The following CCDC14 variants were observed in gnomAD, a reference collection of about 807,000 sequenced individuals.
CCDC14 encodes coiled-coil domain-containing protein 14.
Under a neutral mutation model 81.4 loss-of-function variants are expected in CCDC14, and 71 were observed. That is an observed-to-expected ratio of 0.87 (90% CI 0.72 to 1.06). CCDC14 has a LOEUF of 1.06. Among genes scored for constraint, CCDC14 ranks in the 50% least tolerant of loss-of-function variants. The pLI, the probability that CCDC14 is intolerant of heterozygous loss-of-function variation, is 0.00. For missense variants in CCDC14, 1,046 were observed against 1,047.3 expected, an observed-to-expected ratio of 1.00 and a Z score of 0.02; for synonymous variants, 332 against 364.8, an observed-to-expected ratio of 0.91 and a Z score of 1.03.
the CCDC14 span, among the ~76,000 whole-genome samples, chr3:123,886,490 C>T: frequency 6.6e-6 from 1 of 151,938 alleles, no homozygotes; most frequent in South Asian, 2.1e-4. Context: ...CTCCACATCC[C>T]TGGTTCAAGG....
chr3:123,950,248 C>T (rs974308177), intron 5 of CCDC14, among the ~76,000 whole-genome samples: 6 of 152,076 alleles, frequency 3.9e-5, no homozygotes, highest in African/African-American at 9.7e-5. Context: ...CAAAGCTAAA[C>T]GTACATATAT....
downstream of CCDC14, among the ~76,000 whole-genome samples, chr3:123,910,199 T>C (rs1285648314): frequency 6.6e-6 from 1 of 152,206 alleles, no homozygotes; most frequent in Admixed American, 6.5e-5. Context: ...ACACCAAGAA[T>C]GACAATGTGA....
rs762358232 is a variant in CCDC14, at chr3:123,947,221, A to T, written c.783T>A (p.Pro261=). 2.2e-5 allele frequency: 35 copies of T among 1,613,906 alleles called. No homozygotes were observed. The highest frequency in any genetic ancestry group is 3.0e-5 in the Non-Finnish European group (35 of 1,179,890). ...TTTTGGGCAGGCTACATGGAACTCC[A>T]GGACTGGTATTAAATGAATTCCGTA... is the stretch of plus-strand genomic sequence containing the variant. ...DVLRNSFNTS[P]GVPCSLPKTD... is the part of the protein sequence containing the mutation. Residue 261 remains proline, a synonymous_variant, in exon 8 of 13, where the codon CCT becomes CCA. Transcript: ENST00000409697.
intron 5 of CCDC14, 103 bp from the exon 6 acceptor site, chr3:123,949,235 C>A: frequency 1.5e-6 from 1 of 658,550 alleles, no homozygotes. Flanking sequence ...TCCAATCCAT[C>A]ACATACTTCA....
At chr3:123,933,459 A>C in intron 10 of CCDC14, 1 of 536,248 alleles carries the variant, frequency 1.9e-6, no homozygotes. Context: ...TTATATATGA[A>C]GAGAAGATAT....
chr3:123,956,812 T>C lies in CCDC14; in HGVS notation c.31-17A>G, dbSNP rs1430787210. ...AGATAACACCTATGACATAATATAT[T>C]ATAGCAGATAAACAAATATTTTTCT... is the stretch of plus-strand genomic sequence containing the variant. On this transcript the variant is annotated splice_polypyrimidine_tract_variant and intron_variant, in intron 1 of 12. Transcript: ENST00000409697. The C allele has an allele frequency of 7.0e-7, 1 of 1,435,774 alleles. No individual in the cohort carries two copies. Among genetic ancestry groups the C allele is most frequent in the Admixed American group, 2.3e-5 (1 of 42,928 alleles). The allele number at this position is 1,435,774 out of a possible 1,614,324, so 88.9% of individuals were successfully genotyped here.
chr3:123,940,314 T>A (rs571388571), intron 9 of CCDC14, among the ~76,000 whole-genome samples: 2 of 152,020 alleles, frequency 1.3e-5, no homozygotes, highest in South Asian at 4.1e-4. Flanking sequence ...CTTAACTCAC[T>A]TTTCTTCTCT....
chr3:123,946,854 T>C lies in CCDC14; in HGVS notation c.1150A>G (p.Arg384Gly), dbSNP rs2036652280. 6.2e-7 allele frequency: 1 copy of C among 1,613,864 alleles called. No homozygotes were observed. The highest frequency in any genetic ancestry group is 1.7e-5 in the Admixed American group (1 of 59,992). The part of the protein sequence containing the change: ...KNVNKTAEKV[R>G]IIKYLLGELK... ...TCTCCCAACAAATATTTTATAATTC[T>C]AACTTTTTCAGCTGTCTTGTTCACA... is the stretch of plus-strand genomic sequence containing the variant. The change falls in exon 8 of 13, where the codon AGA becomes GGA. Residue 384 changes from arginine (R) to glycine (G), a missense_variant. Coordinates refer to ENST00000409697, the MANE Select transcript of CCDC14 (RefSeq NM_001366335.1).
intron 1 of CCDC14, chr3:123,958,486 GA>G: frequency 6.6e-6 from 1 of 152,024 alleles, no homozygotes; most frequent in East Asian, 1.9e-4. Flanking sequence ...TTTCTACTAT[GA>G]AATAATAGTA....
the CCDC14 span, among the ~76,000 whole-genome samples, chr3:123,892,184 A>C: frequency 6.6e-6 from 1 of 152,240 alleles, no homozygotes; most frequent in Non-Finnish European, 1.5e-5. Context: ...GGGTGAGGAC[A>C]CAGAGCCAAA....
chr3:123,915,978 G>A (rs1176018570), intron 12 of CCDC14, among the ~76,000 whole-genome samples: 2 of 147,626 alleles, frequency 1.4e-5, no homozygotes, highest in South Asian at 2.2e-4. Context: ...TTTTTTTAAG[G>A]TATGGAGATG....
At chr3:123,892,316 GC>G (rs1177842562), downstream of CCDC14, among the ~76,000 whole-genome samples, 1 of 152,158 alleles carries the variant, frequency 6.6e-6, no homozygotes, top group African/African-American at 2.4e-5. Flanking sequence ...CTGTATCTTG[GC>G]CCCTTTTAGT....
At chr3:123,905,192 C>A (rs930136921) in intron 5 of CCDC14, among the ~76,000 whole-genome samples, 1 of 152,096 alleles carries the variant, frequency 6.6e-6, no homozygotes, top group African/African-American at 2.4e-5. Flanking sequence ...ACAGAATATA[C>A]CATAAAACTA....
chr3:123,927,946 A>G (rs111666285), intron 12 of CCDC14, among the ~76,000 whole-genome samples: 4 of 152,216 alleles, frequency 2.6e-5, no homozygotes, highest in African/African-American at 9.6e-5. Flanking sequence ...CTTTATTCAG[A>G]GAAAAGCTGT....
chr3:123,924,288 A>G (rs2148823479), intron 12 of CCDC14, among the ~76,000 whole-genome samples: 1 of 152,272 alleles, frequency 6.6e-6, no homozygotes, highest in Middle Eastern at 3.4e-3. Flanking sequence ...AAAATATACT[A>G]AAAATGGATT....
rs757625576 is a variant in CCDC14 at position 123,948,926 on chromosome 3, C to T, written c.559G>A (p.Ala187Thr). 3.7e-6 allele frequency: 6 copies of T among 1,613,770 alleles called. No individual in the cohort carries two copies. The highest frequency in any genetic ancestry group is 5.1e-6 in the Non-Finnish European group (6 of 1,179,826). ...TGAGAGGGAGCATGGCATGGTACAG[C>T]AGGAATTCCATTAGGGATGTTCTTT... ...TSKNIPNGIP[A>T]VPCHAPSHSE... The change falls in exon 6 of 13, where the codon GCT (alanine) becomes ACT (threonine). Residue 187 changes from alanine (A) to threonine (T), a missense_variant. Coordinates refer to ENST00000409697, the MANE Select transcript of CCDC14 (RefSeq NM_001366335.1).
At position 123,944,913 on chromosome 3, in the gene CCDC14, CTG is replaced by C. The variant is rs759622705; in HGVS notation, c.1277_1278del (p.Thr426ArgfsTer5). ...GCCAGTGCTATCTCAACTTGAATAT[CTG>C]TGTTTCCACTTACTGTTGGAAGTAC... Reference protein sequence around the residue: ...ISVLPTVSGNTDIQVEIALAM... With the variant: ...ISVLPTVSGNXDIQVEIALAM... On this transcript the variant is annotated frameshift_variant, in exon 9 of 13. Transcript: ENST00000409697. LOFTEE classifies it high-confidence loss of function. 1.2e-6 allele frequency: 2 copies of C among 1,612,176 alleles called. No homozygotes were observed. Among genetic ancestry groups the C allele is most frequent in the South Asian group, 1.1e-5 (1 of 90,862 alleles).
intron 5 of CCDC14, among the ~76,000 whole-genome samples, chr3:123,906,898 T>C (rs2034324718): frequency 6.6e-6 from 1 of 152,234 alleles, no homozygotes; most frequent in African/African-American, 2.4e-5. Flanking sequence ...GATGGTGTAA[T>C]GTGTCCTTCC....
At chr3:123,911,519 C>T (rs909796994), downstream of CCDC14, among the ~76,000 whole-genome samples, 2 of 152,140 alleles carry the variant, frequency 1.3e-5, no homozygotes, top group African/African-American at 4.8e-5. Context: ...GAGAAGGGGC[C>T]TGTTATCCTA....
Sources: allele counts gnomAD v4.1 joint callset (sites outside exome capture counted in the v4.1 genomes callset), GRCh38; gene constraint gnomAD v4.1.1; transcripts MANE v1.5; gene names NCBI Gene and HGNC (gene_info 2026-07-23, HGNC 2026-07-21).